PPM1B: variants seen among roughly 807,000 people sequenced by gnomAD.
PPM1B encodes the protein protein phosphatase, Mg2+/Mn2+ dependent 1B, also known as protein phosphatase 1B.
PPM1B carries 22 observed loss-of-function variants against 43.0 expected under a neutral mutation model. That is an observed-to-expected ratio of 0.51 (90% confidence interval 0.37 to 0.73). PPM1B has a LOEUF of 0.73. PPM1B is among the 30% of genes least tolerant of loss of function. The probability of loss-of-function intolerance (pLI) is 0.00; values close to 1 mark genes in which losing one functional copy is unlikely to be tolerated. For synonymous variants in PPM1B, 217 were observed against 197.9 expected (o/e 1.10, Z -0.81); for missense variants, 632 against 584.2 (o/e 1.08, Z -0.84).
At chr2:44,188,908 T>C (rs548413610) in intron 1 of PPM1B, among the ~76,000 whole-genome samples, 8 of 150,504 alleles carry the variant, frequency 5.3e-5, no homozygotes, top group Admixed American at 2.0e-4. Flanking sequence ...AGGTGCCAAT[T>C]TGGGTTTTTT....
chr2:44,242,849 G>A (rs1353694321), intron 5 of PPM1B, among the ~76,000 whole-genome samples: 1 of 151,920 alleles, frequency 6.6e-6, no homozygotes, highest in East Asian at 1.9e-4. Context: ...TATACATGTA[G>A]GATTTTAACC....
chr2:44,178,696 C>T (rs963019885), intron 1 of PPM1B, among the ~76,000 whole-genome samples: 1 of 151,922 alleles, frequency 6.6e-6, no homozygotes, highest in Non-Finnish European at 1.5e-5. Flanking sequence ...GTCTGAACTC[C>T]TGACCTCAGG....
intron 1 of PPM1B, among the ~76,000 whole-genome samples, chr2:44,173,848 G>A (rs1168995878): frequency 1.3e-5 from 2 of 152,198 alleles, no homozygotes; most frequent in South Asian, 2.1e-4. Context: ...GGAGGCTGTG[G>A]TGGAGAATTG....
At chr2:44,196,622 ACTGT>A (rs1448241030) in intron 1 of PPM1B, among the ~76,000 whole-genome samples, 1 of 152,158 alleles carries the variant, frequency 6.6e-6, no homozygotes, top group Non-Finnish European at 1.5e-5. Context: ...ATCTACATAA[ACTGT>A]CTGGCATTCT....
At chr2:44,227,441 T>C (rs1283708016) in intron 5 of PPM1B, among the ~76,000 whole-genome samples, 1 of 152,144 alleles carries the variant, frequency 6.6e-6, no homozygotes, top group Non-Finnish European at 1.5e-5. Context: ...TCTTTCCAGG[T>C]ATTTTTACAT....
chr2:44,204,673 G>T (rs1047643148), intron 2 of PPM1B, among the ~76,000 whole-genome samples: 2 of 151,744 alleles, frequency 1.3e-5, no homozygotes, highest in South Asian at 2.1e-4. Context: ...CCTGGCTAAC[G>T]CAGTGAAACC....
intron 3 of PPM1B, 93 bp downstream of exon 3, chr2:44,209,420 A>G: frequency 7.4e-7 from 1 of 1,359,342 alleles, no homozygotes; most frequent in Non-Finnish European, 9.9e-7. Flanking sequence ...CGACACACCA[A>G]GGCTCTGTCT....
rs755137228 is a variant in PPM1B, at chr2:44,201,891, G to A, written c.692G>A (p.Arg231Lys). Residue 231 changes from arginine (R) to lysine (K), a missense_variant, in exon 2 of 6, where the codon AGA becomes AAA. This residue lies in a region of PPM1B where 392 missense variants were observed against 302.7 expected (regional missense o/e 1.29). Coordinates refer to ENST00000282412, the MANE Select transcript of PPM1B (RefSeq NM_002706.6). This position sits in a 1 kb window ranked among gnomAD's most constrained non-coding sequence, Gnocchi z 5.4. ...SPEPEVYEILRAEEDEFIILA... is the reference protein window; with the variant it reads ...SPEPEVYEILKAEEDEFIILA... ...GAGCCTGAGGTTTATGAAATTTTAAGAGCAGAAGAGGATGAATTTATCATC... is the reference window on the plus strand; with the variant it reads ...GAGCCTGAGGTTTATGAAATTTTAAAAGCAGAAGAGGATGAATTTATCATC... The A allele has an allele frequency of 2.5e-6, 4 of 1,614,148 alleles. No individual in the cohort carries two copies. The highest frequency in any genetic ancestry group is 2.2e-5 in the East Asian group (1 of 44,884).
chr2:44,189,147 C>G (rs1224209337), intron 1 of PPM1B, among the ~76,000 whole-genome samples: 1 of 152,156 alleles, frequency 6.6e-6, no homozygotes, highest in African/African-American at 2.4e-5. Flanking sequence ...GGTGGGATTA[C>G]AGGTGTGAGC....
chr2:44,213,316 C>G (rs987992209), intron 3 of PPM1B, among the ~76,000 whole-genome samples: 1 of 150,030 alleles, frequency 6.7e-6, no homozygotes, highest in African/African-American at 2.4e-5. Context: ...CCTGTATTTT[C>G]TCCTAACACT....
At chr2:44,173,547 A>C (rs934943822) in intron 1 of PPM1B, among the ~76,000 whole-genome samples, 1 of 152,218 alleles carries the variant, frequency 6.6e-6, no homozygotes, top group African/African-American at 2.4e-5. Context: ...AAACCATGAC[A>C]CAGAAGAGTG....
In PPM1B at chr2:44,207,579, G is replaced by A. The variant is rs536090629; in HGVS notation, c.847-1631G>A. On this transcript the variant is annotated intron_variant, in intron 2 of 5. Coordinates refer to ENST00000282412, the MANE Select transcript of PPM1B (RefSeq NM_002706.6). ...GGTACTAGAGTAGTATATATGATAT[G>A]CTTTTTTTTTTTTTGAGAGAGAGTC... Among the ~76,000 whole-genome samples, 599 of 151,526 alleles carry A rather than the reference G, an allele frequency of 4.0e-3. 3 individuals carry two copies. Among genetic ancestry groups the A allele is most frequent in the African/African-American group, 0.014 (572 of 41,352 alleles).
Position 44,194,539 on chromosome 2 carries a change from C to T in PPM1B, c.-14-6647C>T, listed in dbSNP as rs576303564. On this transcript the variant is annotated intron_variant, in intron 1 of 5. Coordinates refer to ENST00000282412, the MANE Select transcript of PPM1B (RefSeq NM_002706.6). Reference sequence around the variant, plus strand: ...GAGATCGAGACCTTCCTAGCTAACACGGTGAAACCCCGTCTCTACTAAAAA... The same window carrying T: ...GAGATCGAGACCTTCCTAGCTAACATGGTGAAACCCCGTCTCTACTAAAAA... Among the ~76,000 whole-genome samples, 21 of 152,124 alleles carry T rather than the reference C, an allele frequency of 1.4e-4. 1 individual carries two copies. The highest frequency in any genetic ancestry group is 4.1e-4 in the South Asian group (2 of 4,820).
chr2:44,218,649 T>A, intron 5 of PPM1B, 112 bp downstream of exon 5: 3 of 701,636 alleles, frequency 4.3e-6, no homozygotes, highest in Non-Finnish European at 7.0e-6. Context: ...TGTAGTAAAT[T>A]ACTACTGCTT....
intron 1 of PPM1B, among the ~76,000 whole-genome samples, chr2:44,192,190 G>GGTATTGTATTGTATT (rs147906873): frequency 0.052 from 7,441 of 143,576 alleles, 249 homozygotes; most frequent in East Asian, 0.1. Flanking sequence ...GTTATGTTAT[G>GGTATTGTATTGTATT]GTATTGTATT....
intron 5 of PPM1B, among the ~76,000 whole-genome samples, chr2:44,241,126 C>T (rs1238346659): frequency 7.0e-6 from 1 of 143,596 alleles, no homozygotes; most frequent in Non-Finnish European, 1.5e-5. Context: ...GCCTCAGCGT[C>T]CCAAGTAGCT....
chr2:44,228,981 G>A (rs1440116725), intron 5 of PPM1B, among the ~76,000 whole-genome samples: 1 of 151,942 alleles, frequency 6.6e-6, no homozygotes, highest in Non-Finnish European at 1.5e-5. Flanking sequence ...TTGGGAGTTC[G>A]AGACCAGCCT....
chr2:44,190,222 C>G (rs899310865), intron 1 of PPM1B, among the ~76,000 whole-genome samples: 1 of 146,830 alleles, frequency 6.8e-6, no homozygotes, highest in African/African-American at 2.5e-5. Context: ...ATGGCCCAAT[C>G]TCAGCTCACT....
At chr2:44,170,493 G>A (rs569834458) in intron 1 of PPM1B, among the ~76,000 whole-genome samples, 2 of 152,236 alleles carry the variant, frequency 1.3e-5, no homozygotes, top group Non-Finnish European at 2.9e-5. Flanking sequence ...CTTACTGTGG[G>A]ATTAACACAG....
Sources: allele counts gnomAD v4.1 joint callset (sites outside exome capture counted in the v4.1 genomes callset), GRCh38; gene constraint gnomAD v4.1.1; regional missense constraint gnomAD v4.1.1; non-coding constraint Gnocchi (gnomAD v3.1); transcripts MANE v1.5; gene names NCBI Gene and HGNC (gene_info 2026-07-23, HGNC 2026-07-21).